The following CLASP2 variants were observed in gnomAD, a reference collection of about 807,000 sequenced individuals.
The protein encoded by CLASP2 is cytoplasmic linker associated protein 2.
A neutral mutation model predicts 194.4 loss-of-function variants in CLASP2; 47 were observed. The observed-to-expected ratio is 0.24, with a 90% CI of 0.19 to 0.31. The LOEUF is 0.31. Among genes scored for constraint, CLASP2 ranks in the 10% least tolerant of loss-of-function variants. CLASP2 has a pLI of 1.00. For synonymous variants in CLASP2, 619 were observed against 633.5 expected (o/e 0.98, Z 0.34); for missense variants, 1,445 against 1,823.6 (o/e 0.79, Z 3.78).
chr3:33,501,527 C>A, intron 38 of CLASP2, 125 bp downstream of exon 38: 2 of 599,712 alleles, frequency 3.3e-6, no homozygotes, highest in Non-Finnish European at 6.0e-6. Context: ...ATAATAAGGG[C>A]AAGTTGGATG....
At chr3:33,677,314 A>C (rs1353130748) in intron 6 of CLASP2, among the ~76,000 whole-genome samples, 1 of 151,310 alleles carries the variant, frequency 6.6e-6, no homozygotes, top group African/African-American at 2.4e-5. Context: ...CAAATGTCCA[A>C]CAATGATAGA....
chr3:33,662,602 A>C (rs1183230884), intron 7 of CLASP2, among the ~76,000 whole-genome samples: 2 of 152,170 alleles, frequency 1.3e-5, no homozygotes, highest in Non-Finnish European at 2.9e-5. Context: ...GTTTAACCCA[A>C]AGAACAGTAA....
intron 34 of CLASP2, among the ~76,000 whole-genome samples, chr3:33,525,147 A>C (rs955017142): frequency 1.3e-5 from 2 of 152,224 alleles, no homozygotes; most frequent in Non-Finnish European, 2.9e-5. Flanking sequence ...AAGTTTGAGG[A>C]AATTAAACAA....
Position 33,607,562 on chromosome 3 carries a change from G to T in CLASP2, c.1449-101C>A, listed in dbSNP as rs961336189. 13 of 663,372 alleles carry T rather than the reference G, an allele frequency of 2.0e-5. 1 individual carries two copies. The East Asian group carries it at 3.9e-4, about 20-fold the overall frequency. The allele number at this position is 663,372 out of a possible 1,614,324, so 41.1% of individuals were successfully genotyped here. The stretch of plus-strand genomic sequence containing the variant: ...GTTACATATTAATCACAAACAGGTA[G>T]GCGAGGAAAATAAAAATTAATTAGT... On this transcript the variant is annotated intron_variant, in intron 14 of 38. Transcript: ENST00000682230.
chr3:33,518,834 A>G (rs1365653930), intron 34 of CLASP2, among the ~76,000 whole-genome samples: 1 of 152,216 alleles, frequency 6.6e-6, no homozygotes. Context: ...TCTTCCAGAG[A>G]AAGCACAGAT....
chr3:33,616,824 C>T (rs1378672935), intron 12 of CLASP2, among the ~76,000 whole-genome samples: 1 of 149,432 alleles, frequency 6.7e-6, no homozygotes, highest in Admixed American at 6.7e-5. Flanking sequence ...TGCAACCTCC[C>T]CCTCCCAAGT....
intron 30 of CLASP2, among the ~76,000 whole-genome samples, chr3:33,546,558 T>C (rs1192311584): frequency 1.3e-5 from 2 of 152,192 alleles, no homozygotes; most frequent in East Asian, 1.9e-4. Context: ...TCAATTCCAT[T>C]GTTCAGGTCT....
rs1188487998 is a variant in CLASP2, at chr3:33,515,907, C to T, written c.4110+116G>A. 4 of 1,049,510 alleles carry T rather than the reference C, an allele frequency of 3.8e-6. No homozygotes were observed. The African/African-American group carries it at 4.9e-5, about 13-fold the overall frequency. The allele number at this position is 1,049,510 out of a possible 1,614,324, so 65.0% of individuals were successfully genotyped here. On this transcript the variant is annotated intron_variant, in intron 36 of 38. Transcript: ENST00000682230. ...GCTTGCATCTCGATCAGGTATTACCCTGAATGTCAAGGCAAATGTTCAAGA... is the reference window on the plus strand; with the variant it reads ...GCTTGCATCTCGATCAGGTATTACCTTGAATGTCAAGGCAAATGTTCAAGA...
chr3:33,690,059 T>TAAAAC, intron 2 of CLASP2, 127 bp from the exon 3 acceptor site: 5 of 555,570 alleles, frequency 9.0e-6, no homozygotes, highest in Non-Finnish European at 1.2e-5. Flanking sequence ...GAAATTGTTT[T>TAAAAC]AAGTTCTTTA....
At chr3:33,606,366 T>C (rs1205006748) in intron 16 of CLASP2, among the ~76,000 whole-genome samples, 1 of 152,154 alleles carries the variant, frequency 6.6e-6, no homozygotes, top group Non-Finnish European at 1.5e-5. Context: ...CGTGAACATA[T>C]TGAAGCAAAA....
At chr3:33,583,068 G>C (rs2066514790) in intron 22 of CLASP2, among the ~76,000 whole-genome samples, 1 of 152,204 alleles carries the variant, frequency 6.6e-6, no homozygotes, top group African/African-American at 2.4e-5. Context: ...AGCAAAGGAA[G>C]AGAAAGAGGA....
At chr3:33,651,308 A>T (rs1472738217) in intron 7 of CLASP2, among the ~76,000 whole-genome samples, 1 of 149,668 alleles carries the variant, frequency 6.7e-6, no homozygotes, top group Non-Finnish European at 1.5e-5. Context: ...CCTTGAACCC[A>T]GGAAGTGGAG....
At chr3:33,579,544 A>C (rs995361377) in intron 23 of CLASP2, among the ~76,000 whole-genome samples, 6 of 152,146 alleles carry the variant, frequency 3.9e-5, no homozygotes, top group Non-Finnish European at 5.9e-5. Context: ...GTGTAATTTA[A>C]CTGTTTCTAG....
intron 27 of CLASP2, chr3:33,563,869 G>A: frequency 2.2e-6 from 1 of 455,804 alleles, no homozygotes; most frequent in Non-Finnish European, 4.4e-6. Flanking sequence ...TGGGCTATCT[G>A]GAAACATAAA....
intron 1 of CLASP2, among the ~76,000 whole-genome samples, chr3:33,710,512 G>A (rs1424986629): frequency 6.6e-6 from 1 of 152,192 alleles, no homozygotes; most frequent in Non-Finnish European, 1.5e-5. Flanking sequence ...ATTGGAGGAT[G>A]CAGTGAGCTA....
Position 33,497,016 on chromosome 3 carries a change from A to G in CLASP2, c.*1615T>C, listed in dbSNP as rs1326173626. ...TTAACTTTTTCAAGTAATGTTATGT[A>G]CAGTTTTATTGCCAGTATATGCACA... On this transcript the variant is annotated 3_prime_UTR_variant, in exon 39 of 39. Coordinates refer to ENST00000682230, the MANE Select transcript of CLASP2 (RefSeq NM_001365631.1). 6.6e-6 allele frequency: 1 copy of G among 152,654 alleles called. No homozygotes were observed. Among genetic ancestry groups the G allele is most frequent in the African/African-American group, 2.4e-5 (1 of 41,472 alleles). The allele number at this position is 152,654 out of a possible 1,614,324, so 9.5% of individuals were successfully genotyped here.
At chr3:33,579,937 TATCCATGAGG>T (rs1358812571) in intron 23 of CLASP2, among the ~76,000 whole-genome samples, 6 of 152,214 alleles carry the variant, frequency 3.9e-5, no homozygotes, top group African/African-American at 1.4e-4. Flanking sequence ...TTTAAATGTA[TATCCATGAGG>T]ATGCACCACG....
intron 12 of CLASP2, among the ~76,000 whole-genome samples, chr3:33,612,830 T>A (rs1482792160): frequency 1.3e-5 from 2 of 151,976 alleles, no homozygotes; most frequent in Non-Finnish European, 2.9e-5. Context: ...ATGTGGGAGA[T>A]AAACAAAAGT....
chr3:33,605,799 T>C (rs1027893788), intron 16 of CLASP2, among the ~76,000 whole-genome samples: 12 of 152,018 alleles, frequency 7.9e-5, no homozygotes, highest in African/African-American at 2.9e-4. Context: ...TTAGTAGAGA[T>C]GGGGTTTCAC....
Sources: allele counts gnomAD v4.1 joint callset (sites outside exome capture counted in the v4.1 genomes callset), GRCh38; gene constraint gnomAD v4.1.1; transcripts MANE v1.5; gene names NCBI Gene and HGNC (gene_info 2026-07-23, HGNC 2026-07-21).